The following RMDN2 variants were observed in gnomAD, a reference collection of about 807,000 sequenced individuals.
RMDN2 encodes regulator of microtubule dynamics 2.
In RMDN2, 61 loss-of-function variants were observed where a neutral mutation model predicts 52.8. That is an observed-to-expected ratio of 1.16 (90% CI 0.94 to 1.43). The LOEUF (loss-of-function observed/expected upper bound fraction) is 1.43, where lower values mean the gene tolerates loss of function less well. RMDN2 is among the 40% of genes most tolerant of loss of function. The pLI is 0.00. For missense variants in RMDN2, 592 were observed against 475.3 expected, an observed-to-expected ratio of 1.25 and a Z score of -2.28; for synonymous variants, 180 against 153.1, an observed-to-expected ratio of 1.18 and a Z score of -1.30.
At chr2:37,946,174 A>T (rs917781517) in intron 2 of RMDN2, among the ~76,000 whole-genome samples, 1 of 152,162 alleles carries the variant, frequency 6.6e-6, no homozygotes, top group African/African-American at 2.4e-5. Flanking sequence ...TATTGGCAAC[A>T]ATTTTTTCTT....
intron 10 of RMDN2, among the ~76,000 whole-genome samples, chr2:38,059,024 A>G (rs749582758): frequency 6.6e-6 from 1 of 152,200 alleles, no homozygotes; most frequent in Non-Finnish European, 1.5e-5. Flanking sequence ...ATAGTTACCA[A>G]TTGAATAAAA....
intron 7 of RMDN2, among the ~76,000 whole-genome samples, chr2:37,994,583 A>G (rs1371933454): frequency 6.6e-6 from 1 of 152,240 alleles, no homozygotes; most frequent in East Asian, 1.9e-4. Context: ...GTAAGCAAGC[A>G]TATGAAAAGA....
At position 37,960,323 on chromosome 2, in the gene RMDN2, C is replaced by T. The variant is rs192740726; in HGVS notation, c.453-13717C>T. Reference sequence around the variant, plus strand: ...AGACCTTGCTTTATGAATCTGGGTGCTCCTGTATTGGGTGTATATATATAT... The same window carrying T: ...AGACCTTGCTTTATGAATCTGGGTGTTCCTGTATTGGGTGTATATATATAT... On this transcript the variant is annotated intron_variant, in intron 2 of 10. Coordinates refer to ENST00000354545, the MANE Select transcript of RMDN2 (RefSeq NM_001170791.3). Among the ~76,000 whole-genome samples the T allele has an allele frequency of 5.2e-3, 708 of 137,242 alleles. 6 individuals are homozygous for T. Among genetic ancestry groups the T allele is most frequent in the Non-Finnish European group, 8.0e-3 (524 of 65,828 alleles). The allele number at this position is 137,242 out of a possible 152,430, so 90.0% of individuals were successfully genotyped here. A position where few individuals can be genotyped will look rare whatever the true frequency, so the allele number is the denominator to read the frequency against.
At chr2:38,044,168 A>G (rs1247553889) in intron 10 of RMDN2, among the ~76,000 whole-genome samples, 3 of 152,038 alleles carry the variant, frequency 2.0e-5, no homozygotes, top group South Asian at 2.1e-4. Flanking sequence ...TGGATACAGA[A>G]TTCTAAATTT....
At chr2:37,926,088 C>G (rs1289390224) in intron 1 of RMDN2, among the ~76,000 whole-genome samples, 2 of 149,330 alleles carry the variant, frequency 1.3e-5, no homozygotes, top group African/African-American at 2.5e-5. Flanking sequence ...GTGCAATTCT[C>G]TTAGGAAACT....
downstream of RMDN2, among the ~76,000 whole-genome samples, chr2:38,022,481 G>C (rs773701277): frequency 1.3e-5 from 2 of 152,172 alleles, no homozygotes; most frequent in Non-Finnish European, 2.9e-5. Context: ...ACTCACAGAC[G>C]AAGTACCCAA....
At chr2:38,028,864 G>GA (rs1207711626) in intron 10 of RMDN2, among the ~76,000 whole-genome samples, 2 of 152,072 alleles carry the variant, frequency 1.3e-5, no homozygotes, top group Non-Finnish European at 2.9e-5. Context: ...CAGGCCCCCA[G>GA]AAAAAAGCTG....
chr2:37,958,150 A>C (rs1294973191), intron 2 of RMDN2, among the ~76,000 whole-genome samples: 1 of 152,140 alleles, frequency 6.6e-6, no homozygotes, highest in African/African-American at 2.4e-5. Flanking sequence ...TTTCATATGA[A>C]GTTTAAAGTA....
downstream of RMDN2, among the ~76,000 whole-genome samples, chr2:38,022,394 A>G (rs911932123): frequency 1.4e-4 from 22 of 152,348 alleles, no homozygotes; most frequent in African/African-American, 5.3e-4. Context: ...CAGAGAAGAC[A>G]GAATAGCTGC....
chr2:37,965,065 G>T (rs1291113070), intron 2 of RMDN2, among the ~76,000 whole-genome samples: 2 of 151,848 alleles, frequency 1.3e-5, no homozygotes, highest in Non-Finnish European at 2.9e-5. Flanking sequence ...TTTGTTTACT[G>T]TTTTCATGAA....
chr2:37,952,337 T>A (rs533944674), intron 2 of RMDN2: 1 of 777,588 alleles, frequency 1.3e-6, no homozygotes, highest in East Asian at 2.5e-5. Context: ...TGAAGAAGAT[T>A]CCTACATTGC....
upstream of RMDN2, among the ~76,000 whole-genome samples, chr2:37,924,714 A>T (rs898548866): frequency 6.6e-6 from 1 of 152,224 alleles, no homozygotes; most frequent in Non-Finnish European, 1.5e-5. Flanking sequence ...TATACAAACC[A>T]CAGAAAGCTG....
intron 7 of RMDN2, among the ~76,000 whole-genome samples, chr2:37,993,679 G>T (rs1198899443): frequency 6.6e-6 from 1 of 151,274 alleles, no homozygotes; most frequent in Non-Finnish European, 1.5e-5. Context: ...TGTTGGGACT[G>T]GGGGACTAGA....
At chr2:38,010,810 G>C (rs1240691882) in intron 10 of RMDN2, among the ~76,000 whole-genome samples, 1 of 152,252 alleles carries the variant, frequency 6.6e-6, no homozygotes, top group Non-Finnish European at 1.5e-5. Context: ...ACTCACGCTC[G>C]GAGCTGTAGA....
intron 5 of RMDN2, among the ~76,000 whole-genome samples, chr2:37,985,065 A>C (rs527751426): frequency 6.6e-6 from 1 of 152,290 alleles, no homozygotes; most frequent in South Asian, 2.1e-4. Context: ...CTAGGGGCAG[A>C]TTATTTAAAA....
At chr2:37,954,985 C>G (rs555249689) in intron 2 of RMDN2, among the ~76,000 whole-genome samples, 17 of 151,982 alleles carry the variant, frequency 1.1e-4, no homozygotes, top group African/African-American at 3.6e-4. Flanking sequence ...TTTTATAATT[C>G]TTTCCAGATA....
At chr2:37,965,429 C>A (rs560307182) in intron 2 of RMDN2, among the ~76,000 whole-genome samples, 1 of 150,912 alleles carries the variant, frequency 6.6e-6, no homozygotes, top group South Asian at 2.1e-4. Flanking sequence ...TTATTCATAG[C>A]ATCCTAAAGT....
chr2:37,976,375 T>C (rs948188138), intron 4 of RMDN2: 1 of 152,244 alleles, frequency 6.6e-6, no homozygotes, highest in Non-Finnish European at 1.5e-5. Context: ...CAAAATCTTT[T>C]GAATTCTTCA....
At chr2:37,977,325 A>G (rs149648142) in intron 4 of RMDN2, among the ~76,000 whole-genome samples, 8 of 151,870 alleles carry the variant, frequency 5.3e-5, no homozygotes, top group Non-Finnish European at 1.2e-4. Flanking sequence ...CGCCATCGTC[A>G]TCATGGCCCG....
Sources: gnomAD v4.1 joint callset for allele counts (sites outside exome capture counted in the v4.1 genomes callset) on GRCh38, gnomAD v4.1.1 for gene constraint, MANE v1.5 for transcripts, NCBI Gene and HGNC (gene_info 2026-07-23, HGNC 2026-07-21) for gene names.